The following WIZ variants were observed in gnomAD, a reference collection of about 807,000 sequenced individuals.
The protein encoded by WIZ is WIZ zinc finger.
WIZ carries 25 observed loss-of-function variants against 140.2 expected under a neutral mutation model. The observed-to-expected ratio is 0.18, with a 90% CI of 0.13 to 0.25. The LOEUF (loss-of-function observed/expected upper bound fraction) is 0.25. Among genes scored for constraint, WIZ ranks in the 10% least tolerant of loss-of-function variants. The pLI, the probability that WIZ is intolerant of heterozygous loss-of-function variation, is 1.00. For missense variants in WIZ, 2,231 were observed against 2,632.6 expected, an observed-to-expected ratio of 0.85 and a Z score of 3.34; for synonymous variants, 1,125 against 1,154.3, an observed-to-expected ratio of 0.97 and a Z score of 0.51.
chr19:15,447,979 G>C, intron 2 of WIZ, 124 bp downstream of exon 2: 1 of 1,124,112 alleles, frequency 8.9e-7, no homozygotes, highest in Non-Finnish European at 1.3e-6. Flanking sequence ...CAAAGAAAAG[G>C]CTCTGGACCC....
chr19:15,439,627 G>C lies in WIZ; in HGVS notation c.1367C>G (p.Pro456Arg). 1 of 1,488,000 alleles carries C rather than the reference G, an allele frequency of 6.7e-7. No individual in the cohort carries two copies. The highest frequency in any genetic ancestry group is 1.4e-5 in the African/African-American group (1 of 71,032). The allele number at this position is 1,488,000 out of a possible 1,614,324, so 92.2% of individuals were successfully genotyped here. A position where few individuals can be genotyped will look rare whatever the true frequency, so the allele number is the denominator to read the frequency against. ...GCTGAGGCCAACGGCAGCTCCGTAG[G>C]GCTGATAGAGGAGGGCGCTGGCCTC... Reference protein sequence around the residue: ...SPEASALLYQPYGAAVGLSAC... With the variant: ...SPEASALLYQRYGAAVGLSAC... Residue 456 changes from proline (P) to arginine (R), a missense_variant, in exon 4 of 13, where the codon CCC becomes CGC. Around this residue, in one of 15 missense-constraint regions of WIZ, gnomAD observed 475 missense variants for 520.2 expected, o/e 0.91. Coordinates refer to ENST00000673675, the MANE Select transcript of WIZ (RefSeq NM_001371589.1). This position sits in a 1 kb window ranked among gnomAD's most constrained non-coding sequence, Gnocchi z 7.0.
chr19:15,427,395 G>A lies in WIZ; in HGVS notation c.3953C>T (p.Pro1318Leu). The change falls in exon 9 of 13, where the codon CCC becomes CTC. Residue 1318 changes from proline (P) to leucine (L), a missense_variant. Pro to Leu is a moderately conservative substitution (Grantham distance 98). Coordinates refer to ENST00000673675, the MANE Select transcript of WIZ (RefSeq NM_001371589.1). This position sits in a 1 kb window ranked among gnomAD's most constrained non-coding sequence, Gnocchi z 6.4. ...GVTEWYVNGS[P>L]IDTLREILKR... is the part of the protein sequence containing the mutation. ...CAGGATCTCCCGCAGCGTGTCGATG[G>A]GCGAGCCATTGACGTACCACTCGGT... The A allele has an allele frequency of 6.2e-7, 1 of 1,613,568 alleles. No individual in the cohort carries two copies. Among genetic ancestry groups the A allele is most frequent in the Non-Finnish European group, 8.5e-7 (1 of 1,180,004 alleles).
At position 15,424,237 on chromosome 19, in the gene WIZ, G is replaced by T; in HGVS notation, c.5456C>A (p.Pro1819His). 6.3e-7 allele frequency: 1 copy of T among 1,583,966 alleles called. No individual in the cohort carries two copies. The highest frequency in any genetic ancestry group is 8.6e-7 in the Non-Finnish European group (1 of 1,167,908). ...GAACTTGACAAGTGATGTCTGGGGG[G>T]GCCGGGGCACCAGGGAGGGGACTGG... ...VRPVPSLVPR[P>H]PQTSLVKFVG... Residue 1819 changes from proline (P) to histidine (H), a missense_variant, in exon 12 of 13, where the codon CCC becomes CAC. Transcript: ENST00000673675. This position sits in a 1 kb window ranked among gnomAD's most constrained non-coding sequence, Gnocchi z 9.7.
Position 15,425,320 on chromosome 19 carries a change from T to C in WIZ, c.4815A>G (p.Ala1605=). ...GGATGTAGGTCTTGGCCTTGACCTC[T>C]GCTGGGAGGAGGCGGTCCTCCTGCA... ...RPLQEDRLLP[A]EVKAKTYIQT... is the part of the protein sequence containing the mutation. Residue 1605 remains alanine (A), a synonymous_variant, in exon 10 of 13, where the codon GCA becomes GCG. Transcript: ENST00000673675. 2 of 1,579,234 alleles carry C rather than the reference T, an allele frequency of 1.3e-6. No individual in the cohort carries two copies. The highest frequency in any genetic ancestry group is 1.7e-6 in the Non-Finnish European group (2 of 1,162,966).
At position 15,431,251 on chromosome 19, in the gene WIZ, G is replaced by T; in HGVS notation, c.2741-69C>A. The T allele has an allele frequency of 4.2e-6, 6 of 1,414,154 alleles. No individual in the cohort carries two copies. The African/African-American group carries it at 4.3e-5, about 10-fold the overall frequency. 87.6% of individuals were successfully genotyped at this position (1,414,154 alleles called of 1,614,324 possible). ...TGTCTATACCCAGAACTAAGAAGATGGCCTTCTTCCTTATCCTTGATGTCC... is the reference window on the plus strand; with the variant it reads ...TGTCTATACCCAGAACTAAGAAGATTGCCTTCTTCCTTATCCTTGATGTCC... On this transcript the variant is annotated intron_variant, in intron 5 of 12. Coordinates refer to ENST00000673675, the MANE Select transcript of WIZ (RefSeq NM_001371589.1).
At position 15,448,346 on chromosome 19, in the gene WIZ, G is replaced by A. The variant is rs1402411008; in HGVS notation, c.-39C>T. The A allele has an allele frequency of 2.5e-6, 4 of 1,604,024 alleles. No homozygotes were observed. Among genetic ancestry groups the A allele is most frequent in the South Asian group, 1.1e-5 (1 of 90,900 alleles). ...CTTGGATCCACTCAGCTGCTGCACC[G>A]GCTCAGCGGGGCATTGTGGGCCTGG... On this transcript the variant is annotated 5_prime_UTR_variant, in exon 2 of 13. Coordinates refer to ENST00000673675, the MANE Select transcript of WIZ (RefSeq NM_001371589.1).
At chr19:15,445,246 C>T (rs1969876959) in intron 2 of WIZ, among the ~76,000 whole-genome samples, 1 of 152,208 alleles carries the variant, frequency 6.6e-6, no homozygotes, top group Non-Finnish European at 1.5e-5. Context: ...GCCTGGGGTT[C>T]AACTTGGTAG....
chr19:15,425,511 G>A lies in WIZ; in HGVS notation c.4624C>T (p.Pro1542Ser), dbSNP rs1467158865. 1.2e-6 allele frequency: 2 copies of A among 1,610,856 alleles called. No homozygotes were observed. Among genetic ancestry groups the A allele is most frequent in the Non-Finnish European group, 1.7e-6 (2 of 1,178,772 alleles). ...LAEDGPPTVA[P>S]GPVQSPLPLS... Reference sequence around the variant, plus strand: ...GGCAGTGGGGACTGCACGGGCCCAGGGGCCACGGTGGGAGGCCCGTCCTCA... The same window carrying A: ...GGCAGTGGGGACTGCACGGGCCCAGAGGCCACGGTGGGAGGCCCGTCCTCA... The change falls in exon 10 of 13, where the codon CCT becomes TCT. Residue 1542 changes from proline (P) to serine (S), a missense_variant. By Grantham distance (74) the Pro-to-Ser change is moderately conservative (BLOSUM62 -1). Coordinates refer to ENST00000673675, the MANE Select transcript of WIZ (RefSeq NM_001371589.1).
chr19:15,429,490 A>AGGGGCCAGTG, intron 7 of WIZ, 96 bp downstream of exon 7: 1 of 335,314 alleles, frequency 3.0e-6, no homozygotes, highest in Non-Finnish European at 5.0e-6. Context: ...CACCGCCCCC[A>AGGGGCCAGTG]CCCACCCTGG....
Position 15,427,886 on chromosome 19 carries a change from G to A in WIZ, c.3814+224C>T, listed in dbSNP as rs1968951182. Among the ~76,000 whole-genome samples, 1 of 152,190 alleles carries A rather than the reference G, an allele frequency of 6.6e-6. No homozygotes were observed. The highest frequency in any genetic ancestry group is 2.1e-4 in the South Asian group (1 of 4,836). On this transcript the variant is annotated intron_variant, in intron 8 of 12. Transcript: ENST00000673675. The surrounding 1 kb of genome is among the most constrained non-coding windows in gnomAD (Gnocchi z 6.4). ...TGGGTGCTCTGCACACTAAAAGGCA[G>A]GATCTCCCCACCTTGGCCTTCATTC...
Position 15,448,337 on chromosome 19 carries a change from T to G in WIZ, c.-30A>C, listed in dbSNP as rs1969991883. The G allele has an allele frequency of 6.2e-7, 1 of 1,607,560 alleles. No homozygotes were observed. The highest frequency in any genetic ancestry group is 1.3e-5 in the African/African-American group (1 of 74,846). On this transcript the variant is annotated 5_prime_UTR_variant, in exon 2 of 13. Transcript: ENST00000673675. ...TTTTCTCTGCTTGGATCCACTCAGC[T>G]GCTGCACCGGCTCAGCGGGGCATTG...
Position 15,439,704 on chromosome 19 carries a change from C to G in WIZ, c.1290G>C (p.Gln430His). Residue 430 changes from glutamine (Q) to histidine (H), a missense_variant, in exon 4 of 13, where the codon CAG becomes CAC. This residue lies in a region of WIZ where 475 missense variants were observed against 520.2 expected (regional missense o/e 0.91). Coordinates refer to ENST00000673675, the MANE Select transcript of WIZ (RefSeq NM_001371589.1). This position sits in a 1 kb window ranked among gnomAD's most constrained non-coding sequence, Gnocchi z 7.0. ...TGCCTCCAAAAGGCTCTTTGGTGGTCTGGCCTGGGGGCTCACGCATGTGCA... is the reference window on the plus strand; with the variant it reads ...TGCCTCCAAAAGGCTCTTTGGTGGTGTGGCCTGGGGGCTCACGCATGTGCA... ...AKLHMREPPG[Q>H]TTKEPFGGSS... 6.7e-7 allele frequency: 1 copy of G among 1,494,292 alleles called. No individual in the cohort carries two copies. Among genetic ancestry groups the G allele is most frequent in the Non-Finnish European group, 8.9e-7 (1 of 1,129,090 alleles). The allele number at this position is 1,494,292 out of a possible 1,614,324, so 92.6% of individuals were successfully genotyped here. A position where few individuals can be genotyped will look rare whatever the true frequency, so the allele number is the denominator to read the frequency against.
chr19:15,440,820 TC>T lies in WIZ; in HGVS notation c.279-106del. On this transcript the variant is annotated intron_variant, in intron 3 of 12. Transcript: ENST00000673675. The surrounding 1 kb of genome is among the most constrained non-coding windows in gnomAD (Gnocchi z 6.2). ...GGCCGTTTGAAGCAGGCCCCGGAGA[TC>T]CAGCCCGAGGGTGACAGGGGTGTGG... 1.1e-6 allele frequency: 1 copy of T among 882,922 alleles called. No homozygotes were observed. The highest frequency in any genetic ancestry group is 1.5e-6 in the Non-Finnish European group (1 of 645,936). 54.7% of individuals were successfully genotyped at this position (882,922 alleles called of 1,614,324 possible).
chr19:15,430,123 T>C, intron 6 of WIZ, 34 bp from the exon 7 acceptor site: 3 of 1,480,638 alleles, frequency 2.0e-6, no homozygotes, highest in Non-Finnish European at 2.7e-6. Flanking sequence ...GAGAGCAGGC[T>C]GTGAGGCCCA....
chr19:15,427,156 C>A lies in WIZ; in HGVS notation c.4192G>T (p.Ala1398Ser). The change falls in exon 9 of 13, where the codon GCC becomes TCC. Residue 1398 changes from alanine (A) to serine (S), a missense_variant. Ala to Ser is a moderately conservative substitution (Grantham distance 99, BLOSUM62 1). Transcript: ENST00000673675. The surrounding 1 kb of genome is among the most constrained non-coding windows in gnomAD (Gnocchi z 6.4). ...GCCAGGCCTGGGAACATCTTTCGGGCCGTAGGAGGAGGAGAGGCAGTTGGT... is the reference window on the plus strand; with the variant it reads ...GCCAGGCCTGGGAACATCTTTCGGGACGTAGGAGGAGGAGAGGCAGTTGGT... ...HSPTASPPPT[A>S]RKMFPGLAAP... 1 of 1,614,144 alleles carries A rather than the reference C, an allele frequency of 6.2e-7. No individual in the cohort carries two copies.
chr19:15,438,486 C>A, intron 4 of WIZ, 92 bp downstream of exon 4: 2 of 1,354,926 alleles, frequency 1.5e-6, no homozygotes, highest in Non-Finnish European at 1.9e-6. Context: ...GCCCCAGTGT[C>A]CCCCTGCTTG....
chr19:15,421,474 C>T lies in WIZ; in HGVS notation c.*1602G>A, dbSNP rs1355536768. On this transcript the variant is annotated 3_prime_UTR_variant, in exon 13 of 13. Transcript: ENST00000673675. Reference sequence around the variant, plus strand: ...TCGTTCCCACTCTCCAGCACTTGACCGTTTAGTAAAAACGATGAGCTGAAA... The same window carrying T: ...TCGTTCCCACTCTCCAGCACTTGACTGTTTAGTAAAAACGATGAGCTGAAA... 6.6e-6 allele frequency: 1 copy of T among 152,284 alleles called. No homozygotes were observed. The highest frequency in any genetic ancestry group is 1.5e-5 in the Non-Finnish European group (1 of 68,064). The allele number at this position is 152,284 out of a possible 1,614,324, so 9.4% of individuals were successfully genotyped here.
chr19:15,430,865 G>C lies in WIZ; in HGVS notation c.2911+147C>G, dbSNP rs185839004. On this transcript the variant is annotated intron_variant, in intron 6 of 12. Coordinates refer to ENST00000673675, the MANE Select transcript of WIZ (RefSeq NM_001371589.1). The stretch of plus-strand genomic sequence containing the variant: ...CAGTAGAAGTTCAAGAGAGAAGACA[G>C]CTGAGTGCCAACCTTGGTGCCTCAA... The C allele has an allele frequency of 5.1e-5, 52 of 1,010,516 alleles. No individual in the cohort carries two copies. The African/African-American group carries it at 8.3e-4, about 16-fold the overall frequency. 62.6% of individuals were successfully genotyped at this position (1,010,516 alleles called of 1,614,324 possible).
Position 15,439,370 on chromosome 19 carries a change from C to T in WIZ, c.1624G>A (p.Gly542Arg), listed in dbSNP as rs1248224766. The change falls in exon 4 of 13, where the codon GGA becomes AGA. Residue 542 changes from glycine (G) to arginine (R), a missense_variant. Around this residue, in one of 15 missense-constraint regions of WIZ, gnomAD observed 475 missense variants for 520.2 expected, o/e 0.91. Coordinates refer to ENST00000673675, the MANE Select transcript of WIZ (RefSeq NM_001371589.1). This position sits in a 1 kb window ranked among gnomAD's most constrained non-coding sequence, Gnocchi z 7.0. ...CCAAAGGCCAGGCTGGGGTCGTATCCAGCAGGGTTCTCCCGCCACATGGGG... is the reference window on the plus strand; with the variant it reads ...CCAAAGGCCAGGCTGGGGTCGTATCTAGCAGGGTTCTCCCGCCACATGGGG... ...LAPMWRENPA[G>R]YDPSLAFGPG... 1 of 1,532,388 alleles carries T rather than the reference C, an allele frequency of 6.5e-7. No homozygotes were observed. The highest frequency in any genetic ancestry group is 8.7e-7 in the Non-Finnish European group (1 of 1,144,496). 94.9% of individuals were successfully genotyped at this position (1,532,388 alleles called of 1,614,324 possible).
Sources: allele counts gnomAD v4.1 joint callset (sites outside exome capture counted in the v4.1 genomes callset), GRCh38; gene constraint gnomAD v4.1.1; regional missense constraint gnomAD v4.1.1; non-coding constraint Gnocchi (gnomAD v3.1); transcripts MANE v1.5; gene names NCBI Gene and HGNC (gene_info 2026-07-23, HGNC 2026-07-21).